Variants in SEC24A observed in about 807,000 individuals in gnomAD.
SEC24A encodes the protein protein transport protein Sec24A.
In SEC24A, 93 loss-of-function variants were observed where a neutral mutation model predicts 129.4. The observed-to-expected ratio is 0.72, with a 90% CI of 0.61 to 0.85. SEC24A has a LOEUF of 0.85. Among genes scored for constraint, SEC24A ranks in the 40% least tolerant of loss-of-function variants. SEC24A has a pLI of 0.00. For synonymous variants in SEC24A, 460 were observed against 467.3 expected (o/e 0.98, Z 0.20); for missense variants, 1,264 against 1,307.4 (o/e 0.97, Z 0.51).
intron 18 of SEC24A, among the ~76,000 whole-genome samples, chr5:134,712,978 C>T (rs1026521220): frequency 3.0e-5 from 4 of 132,652 alleles, no homozygotes; most frequent in African/African-American, 1.2e-4. Context: ...GTCGCCTAGG[C>T]TGGAGTGCAG....
At chr5:134,662,580 G>A (rs922379157) in intron 2 of SEC24A, among the ~76,000 whole-genome samples, 6 of 152,112 alleles carry the variant, frequency 3.9e-5, no homozygotes, top group Non-Finnish European at 7.4e-5. Flanking sequence ...TTAACCTTAT[G>A]TATGTTTATA....
chr5:134,695,092 A>G (rs571458295), intron 13 of SEC24A, among the ~76,000 whole-genome samples: 1 of 152,102 alleles, frequency 6.6e-6, no homozygotes, highest in Middle Eastern at 3.4e-3. Context: ...ATAAAGGGTC[A>G]AGTGTGGTGG....
chr5:134,708,406 A>G (rs946926625), intron 17 of SEC24A, among the ~76,000 whole-genome samples: 3 of 152,224 alleles, frequency 2.0e-5, no homozygotes, highest in Admixed American at 1.3e-4. Context: ...GTTTAATTGC[A>G]ATGTTTTTCT....
chr5:134,713,182 C>T (rs1213173097), intron 18 of SEC24A, among the ~76,000 whole-genome samples: 1 of 152,072 alleles, frequency 6.6e-6, no homozygotes, highest in African/African-American at 2.4e-5. Context: ...CCACCCGCCT[C>T]GGCCTCCCAA....
chr5:134,668,314 C>A (rs114161966), intron 3 of SEC24A, among the ~76,000 whole-genome samples: 1 of 152,102 alleles, frequency 6.6e-6, no homozygotes, highest in Non-Finnish European at 1.5e-5. Flanking sequence ...CAAGGCCGGG[C>A]GTGGTGGCTC....
chr5:134,705,199 T>C (rs1274736774), intron 16 of SEC24A, 128 bp from the exon 17 acceptor site: 1 of 545,200 alleles, frequency 1.8e-6, no homozygotes, highest in South Asian at 3.1e-5. Context: ...TCTCTGCCTC[T>C]GGAGTAGGTG....
intron 1 of SEC24A, among the ~76,000 whole-genome samples, chr5:134,651,951 T>G (rs1377241616): frequency 6.7e-6 from 1 of 149,684 alleles, no homozygotes; most frequent in Non-Finnish European, 1.5e-5. Context: ...TTTTTTTTTT[T>G]GATGGAGTTT....
chr5:134,652,970 A>ATT (rs776491776), intron 1 of SEC24A, among the ~76,000 whole-genome samples: 3 of 119,280 alleles, frequency 2.5e-5, no homozygotes, highest in Non-Finnish European at 3.6e-5. Context: ...AATTTTTTGT[A>ATT]TTTTTTTTTT....
intron 21 of SEC24A, among the ~76,000 whole-genome samples, chr5:134,721,322 T>C (rs1399905932): frequency 2.0e-5 from 3 of 151,766 alleles, no homozygotes; most frequent in Non-Finnish European, 4.4e-5. Context: ...CCCAGCACTT[T>C]GGGAGGCCAG....
intron 13 of SEC24A, 124 bp downstream of exon 13, chr5:134,694,057 C>T: frequency 2.7e-6 from 2 of 730,664 alleles, no homozygotes; most frequent in Non-Finnish European, 4.5e-6. Context: ...AGGAAGTTAA[C>T]TTTTATGTAG....
Position 134,692,631 on chromosome 5 carries a change from T to C in SEC24A, c.1753T>C (p.Leu585=). 1.4e-6 allele frequency: 2 copies of C among 1,416,622 alleles called. No individual in the cohort carries two copies. Among genetic ancestry groups the C allele is most frequent in the Non-Finnish European group, 2.0e-6 (2 of 1,004,750 alleles). The allele number at this position is 1,416,622 out of a possible 1,614,324, so 87.8% of individuals were successfully genotyped here. A position where few individuals can be genotyped will look rare whatever the true frequency, so the allele number is the denominator to read the frequency against. The stretch of plus-strand genomic sequence containing the variant: ...TTTTATACCTATGCCAGAGAACTTA[T>C]TAGTAAACTTAAATGAAAGTAAAGA... ...DVFIPMPENL[L]VNLNESKELV... is the part of the protein sequence containing the mutation. The change falls in exon 12 of 23, where the codon TTA becomes CTA. Residue 585 remains leucine (L), a synonymous_variant. Transcript: ENST00000398844.
intron 7 of SEC24A, 66 bp from the exon 8 acceptor site, chr5:134,679,536 C>T (rs1751187245): frequency 8.7e-7 from 1 of 1,154,574 alleles, no homozygotes; most frequent in East Asian, 2.5e-5. Context: ...AGGATGGATT[C>T]ATGCTTATGT....
chr5:134,650,041 T>G (rs1749994963), intron 1 of SEC24A, among the ~76,000 whole-genome samples: 1 of 152,078 alleles, frequency 6.6e-6, no homozygotes, highest in African/African-American at 2.4e-5. Flanking sequence ...CCCATTAGAG[T>G]CTAAGAGTTC....
At chr5:134,673,131 C>T (rs1329697216) in intron 4 of SEC24A, among the ~76,000 whole-genome samples, 2 of 148,730 alleles carry the variant, frequency 1.3e-5, no homozygotes, top group Admixed American at 6.8e-5. Context: ...TCTTGGCTCA[C>T]TGCAACCTCC....
At chr5:134,718,671 T>TA (rs1005728537) in intron 20 of SEC24A, among the ~76,000 whole-genome samples, 3 of 152,010 alleles carry the variant, frequency 2.0e-5, no homozygotes, top group African/African-American at 7.2e-5. Flanking sequence ...AAGTAAAAGA[T>TA]AAAAAATTTT....
intron 2 of SEC24A, 50 bp from the exon 3 acceptor site, chr5:134,666,773 C>A: frequency 1.3e-6 from 2 of 1,518,600 alleles, no homozygotes; most frequent in Non-Finnish European, 1.8e-6. Flanking sequence ...CTGATTTTGG[C>A]CATAGTCTTG....
At chr5:134,715,282 TA>T (rs1382521029) in intron 19 of SEC24A, 121 bp downstream of exon 19, 2 of 922,966 alleles carry the variant, frequency 2.2e-6, no homozygotes, top group African/African-American at 1.8e-5. Context: ...TTTATTTATT[TA>T]TTTTTTTGGC....
chr5:134,721,850 C>T (rs1332150851), intron 21 of SEC24A, among the ~76,000 whole-genome samples: 2 of 152,184 alleles, frequency 1.3e-5, no homozygotes, highest in East Asian at 3.9e-4. Context: ...CCCGCCTGGG[C>T]AACAGAGCAA....
intron 2 of SEC24A, 96 bp from the exon 3 acceptor site, chr5:134,666,727 A>T (rs1750674244): frequency 1.1e-6 from 1 of 915,982 alleles, no homozygotes; most frequent in African/African-American, 1.7e-5. Flanking sequence ...TATAATTTAA[A>T]TGTAAGTTTG....
Sources: gnomAD v4.1 joint callset for allele counts (sites outside exome capture counted in the v4.1 genomes callset) on GRCh38, gnomAD v4.1.1 for gene constraint, MANE v1.5 for transcripts, NCBI Gene and HGNC (gene_info 2026-07-23, HGNC 2026-07-21) for gene names.